The following FAXDC2 variants were observed in gnomAD, a reference collection of about 807,000 sequenced individuals.
FAXDC2 encodes the protein fatty acid hydroxylase domain containing 2.
A neutral mutation model predicts 40.9 loss-of-function variants in FAXDC2; 41 were observed. The ratio of observed to expected loss-of-function variants is 1.00; its 90% CI spans 0.78 to 1.30. FAXDC2 has a LOEUF of 1.30. Ranked by LOEUF, FAXDC2 falls within the 50% of genes most tolerant of loss-of-function variation. FAXDC2 has a pLI of 0.00. For missense variants in FAXDC2, 390 were observed against 408.8 expected, an observed-to-expected ratio of 0.95 and a Z score of 0.40; for synonymous variants, 157 against 149.3, an observed-to-expected ratio of 1.05 and a Z score of -0.38.
chr5:154,824,609 G>T, intron 5 of FAXDC2: 2 of 701,908 alleles, frequency 2.8e-6, no homozygotes, highest in South Asian at 3.0e-5. Context: ...TGGAAACCTT[G>T]ACCAAGAGGC....
At chr5:154,822,340 G>A (rs1759909838) in intron 7 of FAXDC2, 132 bp downstream of exon 7, 1 of 688,524 alleles carries the variant, frequency 1.5e-6, no homozygotes, top group Non-Finnish European at 2.6e-6. Flanking sequence ...ATGGAAGGCT[G>A]ACAATAAATG....
rs1464209462 is a variant in FAXDC2 at position 154,823,553 on chromosome 5, G to C, written c.406C>G (p.Leu136Val). 3 of 1,614,186 alleles carry C rather than the reference G, an allele frequency of 1.9e-6. No individual in the cohort carries two copies. Among genetic ancestry groups the C allele is most frequent in the Non-Finnish European group, 1.7e-6 (2 of 1,180,012 alleles). Residue 136 changes from leucine (L) to valine (V), a missense_variant, in exon 6 of 9, where the codon CTT becomes GTT. Coordinates refer to ENST00000326080, the MANE Select transcript of FAXDC2 (RefSeq NM_032385.5). ...VKLRQSIRTVLFNQCMISFPM... is the reference protein window; with the variant it reads ...VKLRQSIRTVVFNQCMISFPM... Reference sequence around the variant, plus strand: ...AAAGATATCATGCACTGGTTGAAAAGAACTGTGCGGATAGACTGGCGCAGT... The same window carrying C: ...AAAGATATCATGCACTGGTTGAAAACAACTGTGCGGATAGACTGGCGCAGT...
chr5:154,844,087 C>T (rs1050443762), intron 1 of FAXDC2, among the ~76,000 whole-genome samples: 3 of 151,976 alleles, frequency 2.0e-5, no homozygotes, highest in South Asian at 4.2e-4. Context: ...GGCATGGTGG[C>T]GGGTGCCTGT....
intron 5 of FAXDC2, chr5:154,824,641 CATTT>C: frequency 1.4e-6 from 1 of 693,164 alleles, no homozygotes; most frequent in Non-Finnish European, 2.6e-6. Flanking sequence ...TCTATCTATT[CATTT>C]ATTTATTTAA....
chr5:154,832,118 TA>T (rs1407507397), intron 4 of FAXDC2, among the ~76,000 whole-genome samples: 1 of 152,224 alleles, frequency 6.6e-6, no homozygotes, highest in African/African-American at 2.4e-5. Context: ...AAACAGTGGT[TA>T]TTTCTTGAAG....
intron 4 of FAXDC2, among the ~76,000 whole-genome samples, chr5:154,834,384 A>G (rs1760266072): frequency 6.6e-6 from 1 of 152,180 alleles, no homozygotes; most frequent in African/African-American, 2.4e-5. Flanking sequence ...TACATAAAAT[A>G]TTTCTTATTT....
intron 1 of FAXDC2, among the ~76,000 whole-genome samples, chr5:154,849,057 A>T (rs1218121571): frequency 6.6e-6 from 1 of 151,668 alleles, no homozygotes; most frequent in East Asian, 1.9e-4. Flanking sequence ...AGGTGGGTAG[A>T]TCACCTGAGG....
chr5:154,829,292 G>C lies in FAXDC2; in HGVS notation c.366+1509C>G, dbSNP rs148575278. Among the ~76,000 whole-genome samples the C allele has an allele frequency of 8.5e-5, 13 of 152,340 alleles. No individual in the cohort carries two copies. In the East Asian group the frequency reaches 2.3e-3, roughly 27 times the overall value. Reference sequence around the variant, plus strand: ...CATTCAGGCAGTGGGAGAGTAAACAGAGCAGGAATGGATCATAGGAACACC... The same window carrying C: ...CATTCAGGCAGTGGGAGAGTAAACACAGCAGGAATGGATCATAGGAACACC... On this transcript the variant is annotated intron_variant, in intron 5 of 8. Transcript: ENST00000326080.
At chr5:154,821,447 G>A (rs1327799754) in intron 7 of FAXDC2, 21 bp from the exon 8 acceptor site, 1 of 1,605,000 alleles carries the variant, frequency 6.2e-7, no homozygotes, top group Admixed American at 1.7e-5. Flanking sequence ...AGGGATGATT[G>A]AAGGCAGGGT....
intron 1 of FAXDC2, among the ~76,000 whole-genome samples, chr5:154,843,454 A>AT (rs1760528038): frequency 6.6e-6 from 1 of 152,238 alleles, no homozygotes; most frequent in Non-Finnish European, 1.5e-5. Flanking sequence ...GTCTGGATAC[A>AT]TATTCATCAT....
Position 154,830,840 on chromosome 5 carries a change from G to A in FAXDC2, c.327C>T (p.Phe109=). 6.2e-7 allele frequency: 1 copy of A among 1,614,182 alleles called. No homozygotes were observed. Among genetic ancestry groups the A allele is most frequent in the Middle Eastern group, 1.6e-4 (1 of 6,062 alleles). Residue 109 remains phenylalanine (F), a synonymous_variant, in exon 5 of 9, where the codon TTC becomes TTT. Coordinates refer to ENST00000326080, the MANE Select transcript of FAXDC2 (RefSeq NM_032385.5). The part of the protein sequence containing the change: ...LVVDTTGKPN[F]ISRYRIQVGK... ...CGACCTGAATTCGGTAGCGAGAGAT[G>A]AAGTTAGGTTTTCCTGTTGTGTCAA...
intron 2 of FAXDC2, 27 bp downstream of exon 2, chr5:154,838,104 G>C: frequency 2.7e-6 from 4 of 1,504,244 alleles, no homozygotes; most frequent in Non-Finnish European, 3.7e-6. Flanking sequence ...ATTCTCACCA[G>C]TTTGGGGGCA....
chr5:154,845,960 A>G (rs1479855129), intron 1 of FAXDC2, among the ~76,000 whole-genome samples: 3 of 149,116 alleles, frequency 2.0e-5, no homozygotes, highest in Admixed American at 6.7e-5. Flanking sequence ...TAATTTTTGT[A>G]TATATATATA....
chr5:154,841,240 A>T (rs1159482958), intron 1 of FAXDC2, among the ~76,000 whole-genome samples: 6 of 152,162 alleles, frequency 3.9e-5, no homozygotes, highest in Non-Finnish European at 8.8e-5. Context: ...ACATTGCTTG[A>T]CTGACAGCAA....
At chr5:154,833,990 T>A (rs1255736955) in intron 4 of FAXDC2, among the ~76,000 whole-genome samples, 3 of 150,610 alleles carry the variant, frequency 2.0e-5, no homozygotes, top group Non-Finnish European at 4.4e-5. Context: ...TATTTCTATA[T>A]CCTCGATACA....
chr5:154,824,524 C>T (rs1020138157), intron 5 of FAXDC2: 2 of 702,510 alleles, frequency 2.8e-6, no homozygotes, highest in African/African-American at 1.7e-5. Flanking sequence ...TCTTTGTTTA[C>T]TTCCATCCCA....
Position 154,821,358 on chromosome 5 carries a change from C to A in FAXDC2, c.747G>T (p.Met249Ile), listed in dbSNP as rs1270345850. The A allele has an allele frequency of 5.0e-6, 8 of 1,611,302 alleles. No homozygotes were observed. Among genetic ancestry groups the A allele is most frequent in the Non-Finnish European group, 6.8e-6 (8 of 1,179,186 alleles). The change falls in exon 8 of 9, where the codon ATG becomes ATT. Residue 249 changes from methionine to isoleucine, a missense_variant. By Grantham distance (10) the Met-to-Ile change is conservative. Transcript: ENST00000326080. Reference sequence around the variant, plus strand: ...TGATGATGAGGGCCAAGGAAAACCACATGGTGATGGAGGACAAGTGGGAGC... The same window carrying A: ...TGATGATGAGGGCCAAGGAAAACCAAATGGTGATGGAGGACAAGTGGGAGC... ...VMGSHLSSIT[M>I]WFSLALIITT... is the part of the protein sequence containing the mutation.
At chr5:154,837,394 G>T (rs1760377102) in intron 2 of FAXDC2, among the ~76,000 whole-genome samples, 2 of 152,090 alleles carry the variant, frequency 1.3e-5, no homozygotes, top group Admixed American at 1.3e-4. Context: ...CTCCCAAAGT[G>T]CTGGGATTAC....
chr5:154,827,421 TTGTGTGTGTGTGTGTG>T (rs10528622), intron 5 of FAXDC2, among the ~76,000 whole-genome samples: 4 of 138,588 alleles, frequency 2.9e-5, no homozygotes, highest in African/African-American at 8.2e-5. Flanking sequence ...TTCTGTTATT[TTGTGTGTGTGTGTGTG>T]TGTGTGTGTG....
Sources: gnomAD v4.1 joint callset for allele counts (sites outside exome capture counted in the v4.1 genomes callset) on GRCh38, gnomAD v4.1.1 for gene constraint, MANE v1.5 for transcripts, NCBI Gene and HGNC (gene_info 2026-07-23, HGNC 2026-07-21) for gene names.